Variants in MED13 observed in about 807,000 individuals in gnomAD.
MED13 encodes mediator complex subunit 13.
Under a neutral mutation model 225.2 loss-of-function variants are expected in MED13, and 23 were observed. The observed-to-expected ratio is 0.10, with a 90% CI of 0.07 to 0.14. The LOEUF is 0.14. Ranked by LOEUF, MED13 falls within the 10% of genes least tolerant of loss-of-function variation. The probability of loss-of-function intolerance (pLI) is 1.00; values close to 1 mark genes in which losing one functional copy is unlikely to be tolerated. For synonymous variants in MED13, 942 were observed against 889.2 expected, an observed-to-expected ratio of 1.06 and a Z score of -1.06; for missense variants, 2,197 against 2,594.5, an observed-to-expected ratio of 0.85 and a Z score of 3.33.
chr17:62,048,048 A>G (rs2080915900), intron 3 of MED13, among the ~76,000 whole-genome samples: 1 of 133,970 alleles, frequency 7.5e-6, no homozygotes, highest in African/African-American at 2.7e-5. Flanking sequence ...ATATACATAT[A>G]TATATATATA....
intron 8 of MED13, among the ~76,000 whole-genome samples, chr17:62,017,011 A>C (rs989815490): frequency 7.9e-5 from 12 of 151,226 alleles, no homozygotes; most frequent in African/African-American, 2.9e-4. Context: ...ACTCCACCTC[A>C]AAAAATATAT....
intron 3 of MED13, among the ~76,000 whole-genome samples, chr17:62,048,058 ATATATG>A (rs1217860170): frequency 7.8e-4 from 112 of 143,282 alleles, no homozygotes; most frequent in Middle Eastern, 3.6e-3. Flanking sequence ...ATATATATAT[ATATATG>A]TATATATGTA....
chr17:62,031,299 G>C (rs1298105891), intron 6 of MED13, 145 bp downstream of exon 6: 1 of 672,624 alleles, frequency 1.5e-6, no homozygotes, highest in African/African-American at 1.9e-5. Context: ...ATAACAGTTT[G>C]GAAATATGGC....
At chr17:61,950,535 C>T (rs1603389944) in intron 28 of MED13, among the ~76,000 whole-genome samples, 1 of 152,034 alleles carries the variant, frequency 6.6e-6, no homozygotes, top group Admixed American at 6.6e-5. Context: ...AGGCGCCCGC[C>T]ACCACACCTG....
At chr17:61,986,966 G>C (rs1324400010) in intron 12 of MED13, 41 bp downstream of exon 12, 12 of 1,361,998 alleles carry the variant, frequency 8.8e-6, no homozygotes, top group Non-Finnish European at 1.2e-5. Context: ...ATAAAATCAA[G>C]GAAAACAAAT....
intron 6 of MED13, 164 bp downstream of exon 6, chr17:62,031,280 G>T: frequency 1.7e-6 from 1 of 596,008 alleles, no homozygotes; most frequent in South Asian, 2.5e-5. Context: ...CAGGGTGATG[G>T]AGTAAATAAT....
chr17:61,949,750 C>T (rs749949834), intron 28 of MED13, among the ~76,000 whole-genome samples: 2 of 152,014 alleles, frequency 1.3e-5, no homozygotes, highest in East Asian at 1.9e-4. Flanking sequence ...TGCAGTGGCG[C>T]GATCTCGGCT....
At chr17:62,043,181 AAAAGAAAG>A (rs1323468206) in intron 3 of MED13, among the ~76,000 whole-genome samples, 2 of 134,100 alleles carry the variant, frequency 1.5e-5, no homozygotes, top group African/African-American at 3.1e-5. Context: ...AAAAAAAAAA[AAAAGAAAG>A]AAAGAAAGAA....
At chr17:61,985,179 G>A (rs1416075742) in intron 12 of MED13, 89 bp from the exon 13 acceptor site, 2 of 1,053,362 alleles carry the variant, frequency 1.9e-6, no homozygotes, top group South Asian at 1.4e-5. Flanking sequence ...TAACAGTAAA[G>A]CCCATTCATT....
At chr17:62,005,903 G>A (rs932686859) in intron 9 of MED13, 5 of 152,080 alleles carry the variant, frequency 3.3e-5, no homozygotes, top group African/African-American at 1.2e-4. Context: ...ACTTGATGCA[G>A]ACACTTAATC....
rs773808764 is a variant in MED13, at chr17:61,943,575, TAAGAA to T, written c.*2888_*2892del. 4 of 152,704 alleles carry T rather than the reference TAAGAA, an allele frequency of 2.6e-5. No individual in the cohort carries two copies. Among genetic ancestry groups the T allele is most frequent in the Non-Finnish European group, 5.9e-5 (4 of 67,978 alleles). The allele number at this position is 152,704 out of a possible 1,614,324, so 9.5% of individuals were successfully genotyped here. ...TAGTAAGAGCTTAATTTTAGTGGTT[TAAGAA>T]AAGTTTAGAAATATTTAAAAATTAC... On this transcript the variant is annotated 3_prime_UTR_variant, in exon 30 of 30. Coordinates refer to ENST00000397786, the MANE Select transcript of MED13 (RefSeq NM_005121.3).
At chr17:61,963,236 A>G (rs1259927585) in intron 20 of MED13, among the ~76,000 whole-genome samples, 2 of 138,278 alleles carry the variant, frequency 1.4e-5, no homozygotes, top group African/African-American at 3.0e-5. Context: ...AAAAAGAAAG[A>G]AAAGAAAAAA....
intron 22 of MED13, 96 bp from the exon 23 acceptor site, chr17:61,961,186 T>G (rs1017108561): frequency 8.8e-7 from 1 of 1,141,234 alleles, no homozygotes; most frequent in African/African-American, 1.6e-5. Context: ...TATAAGATAA[T>G]TGGAAAATGA....
At chr17:61,976,146 A>G (rs558137733) in intron 16 of MED13, among the ~76,000 whole-genome samples, 1 of 152,392 alleles carries the variant, frequency 6.6e-6, no homozygotes, top group South Asian at 2.1e-4. Context: ...AATAGCCAAA[A>G]AGTGGAAAAA....
At chr17:62,042,133 C>T (rs2080857681) in intron 3 of MED13, among the ~76,000 whole-genome samples, 1 of 152,036 alleles carries the variant, frequency 6.6e-6, no homozygotes, top group African/African-American at 2.4e-5. Context: ...GGTATAATAC[C>T]AGTATCAGGT....
chr17:61,968,508 A>T (rs984976739), intron 17 of MED13, among the ~76,000 whole-genome samples: 1 of 151,982 alleles, frequency 6.6e-6, no homozygotes, highest in Non-Finnish European at 1.5e-5. Context: ...TGTATTTTTT[A>T]GTAGAGACGA....
chr17:62,028,679 TA>T (rs778025381), intron 8 of MED13, among the ~76,000 whole-genome samples: 1,752 of 141,384 alleles, frequency 0.012, 15 homozygotes, highest in African/African-American at 0.028. Context: ...GTCTCTACTT[TA>T]AAAAAAAAAA....
At position 61,946,940 on chromosome 17, in the gene MED13, T is replaced by G; in HGVS notation, c.6369A>C (p.Ser2123=). Residue 2123 remains serine (S), a synonymous_variant, in exon 29 of 30, where the codon TCA becomes TCC. Coordinates refer to ENST00000397786, the MANE Select transcript of MED13 (RefSeq NM_005121.3). ...LHSKHSHPLD[S]NQTSDVLRFV... is the part of the protein sequence containing the mutation. ...ACCTGAGGACATCTGAAGTCTGATTTGAGTCAAGTGGGTGGGAGTGTTTAC... is the reference window on the plus strand; with the variant it reads ...ACCTGAGGACATCTGAAGTCTGATTGGAGTCAAGTGGGTGGGAGTGTTTAC... 2 of 1,613,878 alleles carry G rather than the reference T, an allele frequency of 1.2e-6. No homozygotes were observed. The highest frequency in any genetic ancestry group is 1.3e-5 in the African/African-American group (1 of 75,042).
chr17:61,977,249 G>C (rs1265357906), intron 16 of MED13, among the ~76,000 whole-genome samples: 2 of 152,072 alleles, frequency 1.3e-5, no homozygotes, highest in Non-Finnish European at 2.9e-5. Flanking sequence ...TGGAGAACAA[G>C]AAGAAGGGTT....
Sources: allele counts gnomAD v4.1 joint callset (sites outside exome capture counted in the v4.1 genomes callset), GRCh38; gene constraint gnomAD v4.1.1; transcripts MANE v1.5; gene names NCBI Gene and HGNC (gene_info 2026-07-23, HGNC 2026-07-21).